The following PTPRT variants were observed in gnomAD, a reference collection of about 807,000 sequenced individuals.
PTPRT encodes the protein protein tyrosine phosphatase receptor type T, also known as receptor-type tyrosine-protein phosphatase T.
In PTPRT, 56 loss-of-function variants were observed where a neutral mutation model predicts 176.8. The ratio of observed to expected loss-of-function variants is 0.32; its 90% confidence interval spans 0.26 to 0.40. The LOEUF (loss-of-function observed/expected upper bound fraction) is 0.40. Among genes scored for constraint, PTPRT ranks in the 10% least tolerant of loss-of-function variants. PTPRT has a pLI of 1.00. For synonymous variants in PTPRT, 783 were observed against 739.0 expected, an observed-to-expected ratio of 1.06 and a Z score of -0.96; for missense variants, 1,540 against 1,908.2, an observed-to-expected ratio of 0.81 and a Z score of 3.60.
At chr20:42,519,374 T>A (rs1449662772) in intron 7 of PTPRT, among the ~76,000 whole-genome samples, 1 of 152,126 alleles carries the variant, frequency 6.6e-6, no homozygotes, top group Non-Finnish European at 1.5e-5. Flanking sequence ...CCAAGGGACA[T>A]CTGTCTTGTT....
intron 9 of PTPRT, among the ~76,000 whole-genome samples, chr20:42,399,235 G>T (rs1445876352): frequency 6.6e-6 from 1 of 152,238 alleles, no homozygotes; most frequent in Non-Finnish European, 1.5e-5. Flanking sequence ...AAGGGGCATG[G>T]GCATGGGCAT....
In PTPRT at chr20:43,032,198, C is replaced by A. The variant is rs570010196; in HGVS notation, c.89-146266G>T. On this transcript the variant is annotated intron_variant, in intron 1 of 30. Coordinates refer to ENST00000373187, the MANE Select transcript of PTPRT (RefSeq NM_007050.6). Reference sequence around the variant, plus strand: ...CTGATCCAGAATTTTGTTCTTTCTTCCTGGACCTGCATCAACACAGAGTGA... The same window carrying A: ...CTGATCCAGAATTTTGTTCTTTCTTACTGGACCTGCATCAACACAGAGTGA... Among the ~76,000 whole-genome samples the A allele has an allele frequency of 5.3e-5, 8 of 152,232 alleles. No individual in the cohort carries two copies. The East Asian group carries it at 1.5e-3, about 29-fold the overall frequency.
chr20:42,456,105 T>C (rs546868700), intron 8 of PTPRT, among the ~76,000 whole-genome samples: 16 of 152,196 alleles, frequency 1.1e-4, no homozygotes, highest in Non-Finnish European at 1.8e-4. Flanking sequence ...TATAGATTTA[T>C]ACGTACATCT....
chr20:43,144,292 C>T (rs2014102896), intron 1 of PTPRT, among the ~76,000 whole-genome samples: 1 of 152,172 alleles, frequency 6.6e-6, no homozygotes, highest in Non-Finnish European at 1.5e-5. Context: ...TCCCCATATA[C>T]CCAAACACTG....
At chr20:42,206,514 G>A (rs1395846952) in intron 15 of PTPRT, among the ~76,000 whole-genome samples, 1 of 152,234 alleles carries the variant, frequency 6.6e-6, no homozygotes, top group Non-Finnish European at 1.5e-5. Context: ...TCAAAGAAAG[G>A]GGTGACGGAC....
intron 2 of PTPRT, among the ~76,000 whole-genome samples, chr20:42,820,832 G>A (rs1316317908): frequency 6.6e-6 from 1 of 152,096 alleles, no homozygotes; most frequent in Admixed American, 6.5e-5. Context: ...ATAAATTCCT[G>A]GACGCATACA....
chr20:42,139,081 T>G (rs1988507516), intron 18 of PTPRT, among the ~76,000 whole-genome samples: 1 of 152,238 alleles, frequency 6.6e-6, no homozygotes, highest in Non-Finnish European at 1.5e-5. Context: ...TGGGGCTGTT[T>G]CTTTTTTACA....
At chr20:42,363,182 A>G (rs2058455444) in intron 9 of PTPRT, among the ~76,000 whole-genome samples, 1 of 142,176 alleles carries the variant, frequency 7.0e-6, no homozygotes, top group Admixed American at 7.1e-5. Context: ...AGTCTCATTG[A>G]TTGGCAAATC....
chr20:43,120,934 C>T (rs2013236001), intron 1 of PTPRT, among the ~76,000 whole-genome samples: 1 of 152,176 alleles, frequency 6.6e-6, no homozygotes, highest in Non-Finnish European at 1.5e-5. Context: ...AAACACACTT[C>T]GATAACTGCC....
intron 3 of PTPRT, among the ~76,000 whole-genome samples, chr20:42,786,938 C>T (rs1460531127): frequency 2.0e-5 from 3 of 152,200 alleles, no homozygotes; most frequent in African/African-American, 7.2e-5. Context: ...TTATCATGTA[C>T]ATCAGGGTTC....
chr20:42,757,234 G>T (rs142677618), intron 5 of PTPRT, among the ~76,000 whole-genome samples: 1 of 152,132 alleles, frequency 6.6e-6, no homozygotes, highest in Admixed American at 6.5e-5. Flanking sequence ...CTGGCATGTA[G>T]CCCCTTAACT....
At chr20:42,997,523 A>G (rs1231799544) in intron 1 of PTPRT, among the ~76,000 whole-genome samples, 1 of 152,126 alleles carries the variant, frequency 6.6e-6, no homozygotes, top group African/African-American at 2.4e-5. Flanking sequence ...CCAGCCCTCA[A>G]ACTGTCCCAG....
At chr20:43,032,561 A>G (rs1986188210) in intron 1 of PTPRT, among the ~76,000 whole-genome samples, 1 of 151,896 alleles carries the variant, frequency 6.6e-6, no homozygotes, top group Non-Finnish European at 1.5e-5. Flanking sequence ...GAGAAGGGAA[A>G]CCATTTTTGT....
At chr20:42,417,982 T>C (rs899965154) in intron 9 of PTPRT, among the ~76,000 whole-genome samples, 1 of 152,074 alleles carries the variant, frequency 6.6e-6, no homozygotes. Flanking sequence ...CCCTACAATG[T>C]TCCAGAAGTT....
At chr20:43,016,880 T>C (rs527740475) in intron 1 of PTPRT, among the ~76,000 whole-genome samples, 1 of 152,200 alleles carries the variant, frequency 6.6e-6, no homozygotes, top group East Asian at 1.9e-4. Context: ...CTTCCCTCTC[T>C]GTCAGTCTCT....
intron 7 of PTPRT, among the ~76,000 whole-genome samples, chr20:42,521,607 T>A (rs760363529): frequency 3.1e-4 from 47 of 152,206 alleles, no homozygotes; most frequent in Non-Finnish European, 3.1e-4. Flanking sequence ...TATGCTGATA[T>A]CTCTCTAATC....
At chr20:42,102,004 A>G in intron 26 of PTPRT, 120 bp downstream of exon 26, 1 of 1,226,648 alleles carries the variant, frequency 8.2e-7, no homozygotes, top group Non-Finnish European at 1.1e-6. Flanking sequence ...GGACTAGTAG[A>G]TCAGAAGCAG....
rs1014134674 is a variant in PTPRT at position 42,288,868 on chromosome 20, T to C, written c.2140-6343A>G. ...TTTTGTTAGAATGGTTACTTTTCTT[T>C]TGGGTATGTACCCAGTAATGGGATT... On this transcript the variant is annotated intron_variant, in intron 12 of 30. Coordinates refer to ENST00000373187, the MANE Select transcript of PTPRT (RefSeq NM_007050.6). Among the ~76,000 whole-genome samples, 8 of 152,132 alleles carry C rather than the reference T, an allele frequency of 5.3e-5. No homozygotes were observed. In the East Asian group the frequency reaches 1.5e-3, roughly 29 times the overall value.
chr20:43,094,069 C>T (rs1022227120), intron 1 of PTPRT, among the ~76,000 whole-genome samples: 3 of 150,072 alleles, frequency 2.0e-5, no homozygotes, highest in Non-Finnish European at 4.4e-5. Flanking sequence ...TATTTCTTCT[C>T]TGTTTTTTTC....
Sources: allele counts gnomAD v4.1 joint callset (sites outside exome capture counted in the v4.1 genomes callset), GRCh38; gene constraint gnomAD v4.1.1; transcripts MANE v1.5; gene names NCBI Gene and HGNC (gene_info 2026-07-23, HGNC 2026-07-21).